The following GRIP1 variants were observed in gnomAD, a reference collection of about 807,000 sequenced individuals.
GRIP1 encodes the protein glutamate receptor interacting protein 1, also known as glutamate receptor-interacting protein 1.
A neutral mutation model predicts 129.9 loss-of-function variants in GRIP1; 45 were observed. The ratio of observed to expected loss-of-function variants is 0.35; its 90% confidence interval spans 0.27 to 0.44. The LOEUF is 0.44. Ranked by LOEUF, GRIP1 falls within the 20% of genes least tolerant of loss-of-function variation. The pLI is 1.00. For synonymous variants in GRIP1, 530 were observed against 520.8 expected (o/e 1.02, Z -0.24); for missense variants, 1,196 against 1,396.8 (o/e 0.86, Z 2.29).
chr12:67,063,746 T>C (rs2043574424), intron 1 of GRIP1, among the ~76,000 whole-genome samples: 1 of 152,228 alleles, frequency 6.6e-6, no homozygotes, highest in Admixed American at 6.5e-5. Flanking sequence ...AATTCTCAAA[T>C]TCTTTTACTA....
At chr12:66,745,767 C>A (rs1040121918) in intron 1 of GRIP1, among the ~76,000 whole-genome samples, 1 of 152,074 alleles carries the variant, frequency 6.6e-6, no homozygotes, top group African/African-American at 2.4e-5. Context: ...GATAGTACAG[C>A]GTACTAAAAA....
chr12:66,973,845 A>G (rs1304970103), intron 1 of GRIP1, among the ~76,000 whole-genome samples: 3 of 150,782 alleles, frequency 2.0e-5, no homozygotes, highest in African/African-American at 7.3e-5. Flanking sequence ...ATATAAGAAG[A>G]CCCTTCAGCA....
intron 15 of GRIP1, among the ~76,000 whole-genome samples, chr12:66,411,276 A>T (rs2057392359): frequency 6.6e-6 from 1 of 152,112 alleles, no homozygotes; most frequent in African/African-American, 2.4e-5. Context: ...CTCCCAGAGG[A>T]AGGAGAAGGC....
intron 1 of GRIP1, among the ~76,000 whole-genome samples, chr12:66,849,457 A>C (rs2039873849): frequency 6.6e-6 from 1 of 152,122 alleles, no homozygotes; most frequent in South Asian, 2.1e-4. Context: ...TTAGATCTTA[A>C]AAATCCTTTT....
intron 7 of GRIP1, among the ~76,000 whole-genome samples, chr12:66,466,297 G>A (rs547963776): frequency 6.6e-6 from 1 of 152,332 alleles, no homozygotes; most frequent in Non-Finnish European, 1.5e-5. Flanking sequence ...TTGCCAGATT[G>A]TAAACATGCT....
chr12:66,522,040 G>A (rs1393900538), intron 5 of GRIP1, among the ~76,000 whole-genome samples: 1 of 152,226 alleles, frequency 6.6e-6, no homozygotes, highest in African/African-American at 2.4e-5. Context: ...AGCTCAAGGA[G>A]GCCTGCCTGC....
intron 1 of GRIP1, among the ~76,000 whole-genome samples, chr12:66,796,328 A>T (rs572904971): frequency 5.6e-5 from 5 of 89,492 alleles, no homozygotes; most frequent in South Asian, 2.9e-4. Context: ...ATTCGGAATT[A>T]AAAAAAAAAA....
At chr12:67,028,822 T>C (rs2042977582) in intron 1 of GRIP1, among the ~76,000 whole-genome samples, 1 of 152,180 alleles carries the variant, frequency 6.6e-6, no homozygotes, top group African/African-American at 2.4e-5. Flanking sequence ...CAAATCAATT[T>C]TTAAATTAAT....
chr12:66,463,186 C>A (rs2059185889), intron 8 of GRIP1, 93 bp from the exon 9 acceptor site: 5 of 1,102,662 alleles, frequency 4.5e-6, no homozygotes, highest in Admixed American at 3.9e-5. Context: ...CACAGTTTTT[C>A]ATTTACTTAA....
intron 1 of GRIP1, among the ~76,000 whole-genome samples, chr12:67,054,929 G>T (rs1439589130): frequency 2.0e-5 from 3 of 152,126 alleles, no homozygotes; most frequent in East Asian, 1.9e-4. Flanking sequence ...TCCAGTAGGG[G>T]ACTAATTATC....
At position 66,418,264 on chromosome 12, in the gene GRIP1, T is replaced by C. The variant is rs138678748; in HGVS notation, c.1838+2456A>G. Among the ~76,000 whole-genome samples, 468 of 152,220 alleles carry C rather than the reference T, an allele frequency of 3.1e-3. 2 individuals carry two copies. Among genetic ancestry groups the C allele is most frequent in the African/African-American group, 0.011 (447 of 41,562 alleles). On this transcript the variant is annotated intron_variant, in intron 15 of 24. Transcript: ENST00000359742. ...CAGAAGAAAAAAACTAGACAGCTATTTCTTGCCATATACAAAAGTCAAATC... is the reference window on the plus strand; with the variant it reads ...CAGAAGAAAAAAACTAGACAGCTATCTCTTGCCATATACAAAAGTCAAATC...
At chr12:66,750,217 T>C (rs1425005768) in intron 1 of GRIP1, among the ~76,000 whole-genome samples, 1 of 152,206 alleles carries the variant, frequency 6.6e-6, no homozygotes, top group African/African-American at 2.4e-5. Context: ...TTCTATGATA[T>C]CCATGGCATG....
chr12:66,641,813 A>G (rs1019181266), intron 1 of GRIP1, among the ~76,000 whole-genome samples: 21 of 152,206 alleles, frequency 1.4e-4, no homozygotes, highest in Admixed American at 1.4e-3. Context: ...TGCTACCATC[A>G]CCTAGCATTG....
chr12:66,604,741 A>G (rs2064433281), intron 1 of GRIP1, among the ~76,000 whole-genome samples: 2 of 152,168 alleles, frequency 1.3e-5, no homozygotes, highest in African/African-American at 4.8e-5. Flanking sequence ...CATAGGTTCA[A>G]TAAGTGACTA....
At chr12:67,028,325 T>C (rs569364189) in intron 1 of GRIP1, among the ~76,000 whole-genome samples, 7 of 152,356 alleles carry the variant, frequency 4.6e-5, no homozygotes, top group African/African-American at 1.4e-4. Flanking sequence ...TTTCAAATAC[T>C]GCTTTTTAAA....
chr12:66,686,512 T>C (rs1343490114), intron 1 of GRIP1, among the ~76,000 whole-genome samples: 2 of 152,214 alleles, frequency 1.3e-5, no homozygotes, highest in Non-Finnish European at 2.9e-5. Flanking sequence ...CTAAAAACTC[T>C]GTAATTCCAT....
intron 1 of GRIP1, among the ~76,000 whole-genome samples, chr12:66,901,531 T>C (rs1284236770): frequency 6.6e-6 from 1 of 152,216 alleles, no homozygotes; most frequent in East Asian, 1.9e-4. Context: ...AGGTATCAAA[T>C]AGTCTTACAA....
intron 10 of GRIP1, 48 bp downstream of exon 10, chr12:66,456,139 A>T: frequency 5.1e-6 from 6 of 1,171,514 alleles, no homozygotes; most frequent in Non-Finnish European, 6.8e-6. Flanking sequence ...AGTGTGAGAA[A>T]AATATAATTG....
In GRIP1 at chr12:66,579,022, A is replaced by T. The variant is rs1565880299; in HGVS notation, c.136+17825T>A. On this transcript the variant is annotated intron_variant, in intron 2 of 24. Coordinates refer to ENST00000359742, the MANE Select transcript of GRIP1 (RefSeq NM_001366722.1). Reference sequence around the variant, plus strand: ...GGGAGGCACCCCCCAGTAGGGGCAGACTGACACCTAACACAGCCGGGTACT... The same window carrying T: ...GGGAGGCACCCCCCAGTAGGGGCAGTCTGACACCTAACACAGCCGGGTACT... Among the ~76,000 whole-genome samples the T allele has an allele frequency of 2.6e-5, 4 of 152,304 alleles. No homozygotes were observed. In the South Asian group the frequency reaches 8.3e-4, roughly 32 times the overall value.
Sources: allele counts gnomAD v4.1 joint callset (sites outside exome capture counted in the v4.1 genomes callset), GRCh38; gene constraint gnomAD v4.1.1; transcripts MANE v1.5; gene names NCBI Gene and HGNC (gene_info 2026-07-23, HGNC 2026-07-21).